Variants in XYLT1 observed in about 807,000 individuals in gnomAD.
The protein encoded by XYLT1 is xylosyltransferase 1, also known as beta-D-xylosyltransferase 1.
Under a neutral mutation model 91.3 loss-of-function variants are expected in XYLT1, and 36 were observed. That is an observed-to-expected ratio of 0.39 (90% CI 0.30 to 0.52). The LOEUF is 0.52. Ranked by LOEUF, XYLT1 falls within the 20% of genes least tolerant of loss-of-function variation. The pLI is 0.68. For synonymous variants in XYLT1, 588 were observed against 532.0 expected, an observed-to-expected ratio of 1.11 and a Z score of -1.45; for missense variants, 1,242 against 1,284.5, an observed-to-expected ratio of 0.97 and a Z score of 0.51.
intron 2 of XYLT1, among the ~76,000 whole-genome samples, chr16:17,332,892 G>A (rs756137672): frequency 6.6e-6 from 1 of 152,116 alleles, no homozygotes; most frequent in Non-Finnish European, 1.5e-5. Flanking sequence ...CTTTCCGTGT[G>A]TAGCTCAAGC....
chr16:17,114,900 A>ATG (rs1246718366), intron 11 of XYLT1, among the ~76,000 whole-genome samples: 1 of 151,970 alleles, frequency 6.6e-6, no homozygotes, highest in African/African-American at 2.4e-5. Context: ...GCTGGAGTGC[A>ATG]GTGGCGTGAT....
chr16:17,115,347 G>T (rs1254151912), intron 11 of XYLT1, among the ~76,000 whole-genome samples: 1 of 141,410 alleles, frequency 7.1e-6, no homozygotes, highest in Non-Finnish European at 1.5e-5. Context: ...AGCCGGGCAT[G>T]GTGGCACACT....
intron 2 of XYLT1, among the ~76,000 whole-genome samples, chr16:17,349,319 T>C (rs1378907408): frequency 6.6e-6 from 1 of 152,218 alleles, no homozygotes; most frequent in Admixed American, 6.5e-5. Context: ...CAAATCTCTA[T>C]GTCAATTCTT....
intron 1 of XYLT1, chr16:17,403,577 G>C (rs2035994218): frequency 6.6e-6 from 1 of 152,122 alleles, no homozygotes; most frequent in Non-Finnish European, 1.5e-5. Context: ...CAGATCTCAT[G>C]AGAGTCACTC....
chr16:17,369,218 C>T (rs1208780149), intron 1 of XYLT1, among the ~76,000 whole-genome samples: 1 of 151,228 alleles, frequency 6.6e-6, no homozygotes, highest in Non-Finnish European at 1.5e-5. Context: ...CAACCTCCAC[C>T]TCCCGGGTTC....
Position 17,385,696 on chromosome 16 carries a change from C to T in XYLT1, c.364-27646G>A, listed in dbSNP as rs79078737. Reference sequence around the variant, plus strand: ...TCTTTTTAAAATAAAGCTTTACGGCCATGCATTTGGTCAATAGAGAGACAC... The same window carrying T: ...TCTTTTTAAAATAAAGCTTTACGGCTATGCATTTGGTCAATAGAGAGACAC... On this transcript the variant is annotated intron_variant, in intron 1 of 11. Transcript: ENST00000261381. Among the ~76,000 whole-genome samples, 5 of 151,876 alleles carry T rather than the reference C, an allele frequency of 3.3e-5. 1 individual carries two copies. In the East Asian group the frequency reaches 9.9e-4, roughly 30 times the overall value.
At chr16:17,180,781 C>T (rs1262315856) in intron 5 of XYLT1, among the ~76,000 whole-genome samples, 1 of 152,312 alleles carries the variant, frequency 6.6e-6, no homozygotes, top group East Asian at 1.9e-4. Flanking sequence ...ATCTGACCTT[C>T]ATGGGCCTGC....
At chr16:17,117,407 G>A (rs1165451307) in intron 11 of XYLT1, among the ~76,000 whole-genome samples, 1 of 152,070 alleles carries the variant, frequency 6.6e-6, no homozygotes, top group Non-Finnish European at 1.5e-5. Flanking sequence ...AAGTTGAATG[G>A]GGGAGCGTCT....
At chr16:17,410,933 T>TTACA (rs1447870141) in intron 1 of XYLT1, among the ~76,000 whole-genome samples, 1 of 152,196 alleles carries the variant, frequency 6.6e-6, no homozygotes, top group Non-Finnish European at 1.5e-5. Flanking sequence ...TGAGCCACCA[T>TTACA]GCCCAGCAGC....
At chr16:17,236,648 G>A (rs1336183224) in intron 3 of XYLT1, among the ~76,000 whole-genome samples, 2 of 152,138 alleles carry the variant, frequency 1.3e-5, no homozygotes, top group African/African-American at 2.4e-5. Flanking sequence ...GGCAGGGTTC[G>A]TTTCTTCTGA....
Position 17,320,770 on chromosome 16 carries a change from G to A in XYLT1, c.402+37242C>T, listed in dbSNP as rs963977636. On this transcript the variant is annotated intron_variant, in intron 2 of 11. Coordinates refer to ENST00000261381, the MANE Select transcript of XYLT1 (RefSeq NM_022166.4). ...GCTGGGATTACAGGTATGAGCCACC[G>A]CATCTGGCCGACCTTGGAAAAGTTT... Among the ~76,000 whole-genome samples the A allele has an allele frequency of 7.0e-5, 9 of 128,816 alleles. No homozygotes were observed. The East Asian group carries it at 7.8e-4, about 11-fold the overall frequency. 84.5% of individuals were successfully genotyped at this position (128,816 alleles called of 152,430 possible). A position where few individuals can be genotyped will look rare whatever the true frequency, so the allele number is the denominator to read the frequency against.
chr16:17,411,897 T>C (rs1049615623), intron 1 of XYLT1, among the ~76,000 whole-genome samples: 16 of 152,084 alleles, frequency 1.1e-4, no homozygotes, highest in Non-Finnish European at 1.8e-4. Flanking sequence ...ACTCTCAAAT[T>C]CTACTGCTGA....
At chr16:17,154,101 G>A (rs1012695414) in intron 6 of XYLT1, among the ~76,000 whole-genome samples, 1 of 152,078 alleles carries the variant, frequency 6.6e-6, no homozygotes, top group South Asian at 2.1e-4. Context: ...AAAATGTCCT[G>A]GAATGCGCCC....
At chr16:17,467,140 T>C (rs1307129981) in intron 1 of XYLT1, among the ~76,000 whole-genome samples, 1 of 152,190 alleles carries the variant, frequency 6.6e-6, no homozygotes, top group African/African-American at 2.4e-5. Flanking sequence ...CCATTCTACT[T>C]TGTGTGCTTA....
At chr16:17,378,409 G>T (rs1439290256) in intron 1 of XYLT1, among the ~76,000 whole-genome samples, 1 of 152,124 alleles carries the variant, frequency 6.6e-6, no homozygotes, top group African/African-American at 2.4e-5. Flanking sequence ...GGACCTTGCA[G>T]AGAAATGAGC....
chr16:17,451,169 G>A (rs763190423), intron 1 of XYLT1, among the ~76,000 whole-genome samples: 6 of 152,106 alleles, frequency 3.9e-5, no homozygotes, highest in Non-Finnish European at 8.8e-5. Flanking sequence ...ACTTTTCTAG[G>A]TTTTTAATAA....
intron 2 of XYLT1, among the ~76,000 whole-genome samples, chr16:17,341,891 A>G (rs1054471442): frequency 1.3e-5 from 2 of 152,162 alleles, no homozygotes; most frequent in Non-Finnish European, 2.9e-5. Flanking sequence ...TTCACTATTA[A>G]CACTCTGGTC....
At position 17,159,672 on chromosome 16, in the gene XYLT1, G is replaced by A. The variant is rs910422501; in HGVS notation, c.1290-763C>T. Among the ~76,000 whole-genome samples the A allele has an allele frequency of 2.6e-5, 4 of 152,132 alleles. 1 individual carries two copies. Among genetic ancestry groups the A allele is most frequent in the Admixed American group, 2.0e-4 (3 of 15,282 alleles). On this transcript the variant is annotated intron_variant, in intron 5 of 11. Coordinates refer to ENST00000261381, the MANE Select transcript of XYLT1 (RefSeq NM_022166.4). Reference sequence around the variant, plus strand: ...GGATACCAAGTCCTCGATAACCACGGGGCTACTGATTGAGAGAGCTTTAAA... The same window carrying A: ...GGATACCAAGTCCTCGATAACCACGAGGCTACTGATTGAGAGAGCTTTAAA...
intron 2 of XYLT1, among the ~76,000 whole-genome samples, chr16:17,273,841 C>A (rs2033931897): frequency 8.9e-6 from 1 of 112,866 alleles, no homozygotes; most frequent in African/African-American, 3.6e-5. Context: ...GAGAATCTGT[C>A]TCAAAAAAAA....
Sources: gnomAD v4.1 joint callset for allele counts (sites outside exome capture counted in the v4.1 genomes callset) on GRCh38, gnomAD v4.1.1 for gene constraint, MANE v1.5 for transcripts, NCBI Gene and HGNC (gene_info 2026-07-23, HGNC 2026-07-21) for gene names.